Variants in TARS3 observed in about 807,000 individuals in gnomAD.
TARS3 encodes the protein threonyl-tRNA synthetase 3.
A neutral mutation model predicts 103.5 loss-of-function variants in TARS3; 94 were observed. That is an observed-to-expected ratio of 0.91 (90% CI 0.77 to 1.08). The LOEUF (loss-of-function observed/expected upper bound fraction) is 1.08, where lower values mean the gene tolerates loss of function less well. Among genes scored for constraint, TARS3 ranks in the 50% least tolerant of loss-of-function variants. The pLI is 0.00. For missense variants in TARS3, 952 were observed against 995.2 expected (o/e 0.96, Z 0.58); for synonymous variants, 416 against 355.4 (o/e 1.17, Z -1.92).
At position 101,657,869 on chromosome 15, in the gene TARS3, A is replaced by G; in HGVS notation, c.2073-12T>C. The G allele has an allele frequency of 6.6e-7, 1 of 1,519,650 alleles. No homozygotes were observed. Among genetic ancestry groups the G allele is most frequent in the Non-Finnish European group, 9.0e-7 (1 of 1,113,500 alleles). The allele number at this position is 1,519,650 out of a possible 1,614,324, so 94.1% of individuals were successfully genotyped here. A position where few individuals can be genotyped will look rare whatever the true frequency, so the allele number is the denominator to read the frequency against. ...ATAGCCAGAAAGGCCTGAAAAATAT[A>G]TATAAAATATGTATTTTCAAAGTGT... is the stretch of plus-strand genomic sequence containing the variant. On this transcript the variant is annotated splice_polypyrimidine_tract_variant and intron_variant, in intron 16 of 18. Transcript: ENST00000335968.
At chr15:101,720,255 C>A (rs1457812643) in intron 3 of TARS3, among the ~76,000 whole-genome samples, 2 of 152,104 alleles carry the variant, frequency 1.3e-5, no homozygotes, top group East Asian at 3.9e-4. Flanking sequence ...ATTTACATGG[C>A]ATTAATACAA....
At chr15:101,686,319 A>C (rs1328202007) in intron 10 of TARS3, among the ~76,000 whole-genome samples, 2 of 152,196 alleles carry the variant, frequency 1.3e-5, no homozygotes, top group East Asian at 3.8e-4. Flanking sequence ...GTTCTTTGAA[A>C]AGTAGTAATT....
intron 15 of TARS3, among the ~76,000 whole-genome samples, chr15:101,666,207 G>A (rs537805437): frequency 2.6e-5 from 4 of 152,154 alleles, no homozygotes; most frequent in Non-Finnish European, 5.9e-5. Context: ...TTCTAGGTCA[G>A]GATCGGTGGC....
intron 16 of TARS3, among the ~76,000 whole-genome samples, chr15:101,658,442 A>G (rs1433503194): frequency 6.6e-6 from 1 of 151,906 alleles, no homozygotes; most frequent in Non-Finnish European, 1.5e-5. Context: ...CTGTAAATCC[A>G]TTTATGTAAT....
intron 14 of TARS3, 23 bp downstream of exon 14, chr15:101,671,648 T>C: frequency 6.2e-7 from 1 of 1,613,638 alleles, no homozygotes. Flanking sequence ...ATTTTGCTGT[T>C]TTGAAGCATG....
intron 4 of TARS3, among the ~76,000 whole-genome samples, chr15:101,713,250 C>T (rs576242296): frequency 2.6e-5 from 4 of 152,112 alleles, no homozygotes; most frequent in Admixed American, 6.5e-5. Context: ...CATGGGGACT[C>T]GGGAAGGCCT....
Position 101,723,254 on chromosome 15 carries a change from C to G in TARS3, c.298-90G>C, listed in dbSNP as rs1036116970. ...AGTCATGCCAGCAGGCTGCAAGTGC[C>G]CCGTGTTTAGAGGCTCATAGCTGGG... On this transcript the variant is annotated intron_variant, in intron 1 of 18. Transcript: ENST00000335968. 8.2e-6 allele frequency: 10 copies of G among 1,218,436 alleles called. No individual in the cohort carries two copies. The African/African-American group carries it at 1.5e-4, about 18-fold the overall frequency. The allele number at this position is 1,218,436 out of a possible 1,614,324, so 75.5% of individuals were successfully genotyped here.
At chr15:101,710,122 G>A (rs953294927) in intron 5 of TARS3, among the ~76,000 whole-genome samples, 1 of 152,156 alleles carries the variant, frequency 6.6e-6, no homozygotes, top group African/African-American at 2.4e-5. Context: ...CCTCTATAAT[G>A]AAACCTCCAT....
intron 7 of TARS3, 142 bp from the exon 8 acceptor site, chr15:101,704,079 A>G: frequency 1.8e-6 from 1 of 554,906 alleles, no homozygotes; most frequent in Non-Finnish European, 3.1e-6. Flanking sequence ...GGTGAAGGAG[A>G]GAGGTGATTC....
chr15:101,656,106 C>G (rs1897190033), intron 18 of TARS3: 2 of 1,237,002 alleles, frequency 1.6e-6, no homozygotes, highest in Non-Finnish European at 2.1e-6. Flanking sequence ...GAGAAATACT[C>G]CTGGTGAGGG....
chr15:101,680,221 T>C (rs866302875), intron 12 of TARS3, among the ~76,000 whole-genome samples: 2 of 152,196 alleles, frequency 1.3e-5, no homozygotes, highest in Admixed American at 6.5e-5. Context: ...AATATAAGCT[T>C]CTCAATCAGC....
intron 5 of TARS3, 107 bp from the exon 6 acceptor site, chr15:101,709,017 T>A (rs1343236839): frequency 1.4e-5 from 10 of 720,456 alleles, no homozygotes; most frequent in Non-Finnish European, 2.3e-5. Flanking sequence ...TGCTGTCTTA[T>A]TGTTCCAGGA....
chr15:101,687,212 G>A (rs896643678), intron 10 of TARS3, among the ~76,000 whole-genome samples: 1 of 152,112 alleles, frequency 6.6e-6, no homozygotes, highest in South Asian at 2.1e-4. Context: ...AGACCAGCCT[G>A]GCTAACATGA....
At chr15:101,679,469 T>C (rs1898165981) in intron 12 of TARS3, among the ~76,000 whole-genome samples, 1 of 150,922 alleles carries the variant, frequency 6.6e-6, no homozygotes, top group Non-Finnish European at 1.5e-5. Context: ...ATATCTTCTA[T>C]TTCTTTCCTG....
rs1222836534 is a variant in TARS3 at position 101,684,399 on chromosome 15, C to T, written c.1488-162G>A. Among the ~76,000 whole-genome samples the T allele has an allele frequency of 2.0e-5, 3 of 152,112 alleles. No homozygotes were observed. In the East Asian group the frequency reaches 5.8e-4, roughly 29 times the overall value. On this transcript the variant is annotated intron_variant, in intron 11 of 18. Coordinates refer to ENST00000335968, the MANE Select transcript of TARS3 (RefSeq NM_152334.3). ...AAAAATTCTTCCACAAATTAGTGAA[C>T]CTTGCATTTACATCACTGCAGCACT...
chr15:101,724,045 G>GC, intron 1 of TARS3, 46 bp downstream of exon 1: 1 of 1,331,098 alleles, frequency 7.5e-7, no homozygotes, highest in Non-Finnish European at 9.6e-7. Context: ...CACCGTCTCG[G>GC]CCCGCCCCGC....
At chr15:101,713,659 G>A (rs1899982311) in intron 4 of TARS3, among the ~76,000 whole-genome samples, 2 of 152,200 alleles carry the variant, frequency 1.3e-5, no homozygotes, top group Non-Finnish European at 2.9e-5. Context: ...TGAGCTATTG[G>A]GTATGTGGTG....
chr15:101,703,473 A>C (rs1411318758), intron 8 of TARS3, among the ~76,000 whole-genome samples: 1 of 152,006 alleles, frequency 6.6e-6, no homozygotes, highest in East Asian at 1.9e-4. Context: ...GCCTGTAATC[A>C]CAGCTCCTCA....
intron 10 of TARS3, chr15:101,699,227 C>T (rs1899133371): frequency 7.1e-6 from 2 of 283,502 alleles, no homozygotes; most frequent in Admixed American, 9.7e-5. Context: ...AGGCCAATTC[C>T]TTCAGACAAA....
Sources: allele counts gnomAD v4.1 joint callset (sites outside exome capture counted in the v4.1 genomes callset), GRCh38; gene constraint gnomAD v4.1.1; transcripts MANE v1.5; gene names NCBI Gene and HGNC (gene_info 2026-07-23, HGNC 2026-07-21).